Variants in CRPPA observed in about 807,000 individuals in gnomAD.
CRPPA encodes D-ribitol-5-phosphate cytidylyltransferase.
In CRPPA, 43 loss-of-function variants were observed where a neutral mutation model predicts 52.0. That is an observed-to-expected ratio of 0.83 (90% CI 0.65 to 1.07). The LOEUF (loss-of-function observed/expected upper bound fraction) is 1.07, where lower values mean the gene tolerates loss of function less well. CRPPA is among the 50% of genes least tolerant of loss of function. CRPPA has a pLI of 0.00. For missense variants in CRPPA, 629 were observed against 551.7 expected (o/e 1.14, Z -1.40); for synonymous variants, 250 against 203.5 (o/e 1.23, Z -1.94).
intron 3 of CRPPA, among the ~76,000 whole-genome samples, chr7:16,374,735 C>T (rs1351681006): frequency 6.6e-6 from 1 of 152,076 alleles, no homozygotes; most frequent in Non-Finnish European, 1.5e-5. Flanking sequence ...GCAGTAGGTC[C>T]CATCCACTCT....
chr7:16,412,496 T>TAA (rs1328446895), intron 1 of CRPPA, among the ~76,000 whole-genome samples: 1 of 152,226 alleles, frequency 6.6e-6, no homozygotes, highest in Non-Finnish European at 1.5e-5. Flanking sequence ...AATAGGCTTA[T>TAA]AAAGCTATTT....
chr7:16,091,916 C>G, intron 9 of CRPPA, 117 bp from the exon 10 acceptor site: 1 of 540,768 alleles, frequency 1.8e-6, no homozygotes, highest in South Asian at 3.2e-5. Flanking sequence ...TTTAGAAACT[C>G]AGACTCTAGC....
Position 16,133,274 on chromosome 7 carries a change from A to G in CRPPA, c.1252-41475T>C, listed in dbSNP as rs889432371. Among the ~76,000 whole-genome samples the G allele has an allele frequency of 2.4e-4, 29 of 121,600 alleles. 7 individuals are homozygous for G. Among genetic ancestry groups the G allele is most frequent in the Non-Finnish European group, 4.8e-4 (26 of 53,648 alleles). The allele number at this position is 121,600 out of a possible 152,430, so 79.8% of individuals were successfully genotyped here. On this transcript the variant is annotated intron_variant, in intron 9 of 9. Transcript: ENST00000407010. ...GGAGGTTGCAGTGAGCTGAAATCAC[A>G]CCACTGCACTCAACCCTGGGTGACA...
intron 5 of CRPPA, among the ~76,000 whole-genome samples, chr7:16,286,076 TATATAATATTTAAAAAAAAAA>T (rs1784436619): frequency 1.1e-4 from 2 of 18,244 alleles, no homozygotes; most frequent in Non-Finnish European, 9.3e-5. Flanking sequence ...TATATATATA[TATATAATATTTAAAAAAAAAA>T]ATATATATAT....
At chr7:16,245,503 T>C (rs1783245113) in intron 8 of CRPPA, among the ~76,000 whole-genome samples, 1 of 152,210 alleles carries the variant, frequency 6.6e-6, no homozygotes, top group Non-Finnish European at 1.5e-5. Context: ...CAGACACTAT[T>C]CACTTGCCTC....
At chr7:16,304,444 C>T (rs1202142738) in intron 4 of CRPPA, among the ~76,000 whole-genome samples, 1 of 152,042 alleles carries the variant, frequency 6.6e-6, no homozygotes, top group Non-Finnish European at 1.5e-5. Flanking sequence ...AAATACAGAC[C>T]AGCCTGGCCA....
Position 16,376,182 on chromosome 7 carries a change from G to A in CRPPA, c.594C>T (p.Cys198=), listed in dbSNP as rs756333932. ...STVVSPSADG[C]LDYSLERARH... ...TGGCACGTTCTAGCGAGTAGTCTAA[G>A]CAACCATCAGCAGATGGACTGACGA... Residue 198 remains cysteine (C), a synonymous_variant, in exon 3 of 10, where the codon TGC becomes TGT. Transcript: ENST00000407010. The A allele has an allele frequency of 5.6e-6, 9 of 1,613,346 alleles. No homozygotes were observed. The Admixed American group carries it at 8.3e-5, about 15-fold the overall frequency.
At position 16,420,221 on chromosome 7, in the gene CRPPA, C is replaced by T. The variant is rs1788293351; in HGVS notation, c.257+845G>A. 1.3e-5 allele frequency among the ~76,000 whole-genome samples: 2 copies of T among 152,154 alleles called. 1 individual carries two copies. Among genetic ancestry groups the T allele is most frequent in the South Asian group, 4.1e-4 (2 of 4,828 alleles). On this transcript the variant is annotated intron_variant, in intron 1 of 9. Transcript: ENST00000407010. ...GCAAACGGTTCGCATCAATTCAAGGCTTCACAAACTACCACAGCTCCCCAC... is the reference window on the plus strand; with the variant it reads ...GCAAACGGTTCGCATCAATTCAAGGTTTCACAAACTACCACAGCTCCCCAC...
At chr7:16,402,147 C>T (rs1036497606) in intron 2 of CRPPA, among the ~76,000 whole-genome samples, 1 of 152,182 alleles carries the variant, frequency 6.6e-6, no homozygotes, top group Admixed American at 6.5e-5. Context: ...GGAGGAGAGA[C>T]ACTCACAAGT....
At chr7:16,102,740 C>G (rs1782073161) in intron 9 of CRPPA, among the ~76,000 whole-genome samples, 1 of 152,188 alleles carries the variant, frequency 6.6e-6, no homozygotes, top group African/African-American at 2.4e-5. Flanking sequence ...AAATGCAAAT[C>G]AAAACCACAA....
intron 9 of CRPPA, among the ~76,000 whole-genome samples, chr7:16,130,293 T>G (rs938064049): frequency 1.3e-4 from 20 of 152,002 alleles, no homozygotes; most frequent in African/African-American, 4.8e-4. Context: ...GAACAAAGAG[T>G]ATCTCTAAAT....
chr7:16,145,099 C>T (rs561876771), intron 9 of CRPPA, among the ~76,000 whole-genome samples: 4 of 152,274 alleles, frequency 2.6e-5, no homozygotes, highest in East Asian at 3.9e-4. Context: ...CAACCTCAGA[C>T]CTGACTGCTG....
At chr7:16,411,706 G>C (rs1788080627) in intron 1 of CRPPA, among the ~76,000 whole-genome samples, 1 of 152,034 alleles carries the variant, frequency 6.6e-6, no homozygotes, top group South Asian at 2.1e-4. Flanking sequence ...ACTGCTCTTA[G>C]ATTTATAGAA....
At chr7:16,231,799 A>C (rs1266677362) in intron 8 of CRPPA, among the ~76,000 whole-genome samples, 2 of 152,230 alleles carry the variant, frequency 1.3e-5, no homozygotes, top group Non-Finnish European at 2.9e-5. Context: ...TTTAAAAAGC[A>C]AACTATATAA....
chr7:16,245,199 GA>G (rs1196789942), intron 8 of CRPPA, among the ~76,000 whole-genome samples: 5 of 152,202 alleles, frequency 3.3e-5, no homozygotes, highest in Non-Finnish European at 7.3e-5. Flanking sequence ...GTCTGCATAT[GA>G]ATTTGCACAT....
At chr7:16,154,865 T>C (rs899805241) in intron 9 of CRPPA, among the ~76,000 whole-genome samples, 4 of 151,346 alleles carry the variant, frequency 2.6e-5, no homozygotes, top group Admixed American at 2.6e-4. Context: ...TGGAGCGCAG[T>C]GGCACAATCT....
chr7:16,312,980 T>C (rs1354633067), intron 3 of CRPPA, among the ~76,000 whole-genome samples: 1 of 151,968 alleles, frequency 6.6e-6, no homozygotes, highest in Non-Finnish European at 1.5e-5. Context: ...GGTGATATTT[T>C]GATAAGGACC....
chr7:16,235,239 C>T (rs1213881656), intron 8 of CRPPA, among the ~76,000 whole-genome samples: 1 of 152,034 alleles, frequency 6.6e-6, no homozygotes, highest in Non-Finnish European at 1.5e-5. Flanking sequence ...AACATTTAAA[C>T]TGCATGCATT....
rs183880699 is a variant in CRPPA, at chr7:16,379,604, G to A, written c.535-3363C>T. On this transcript the variant is annotated intron_variant, in intron 2 of 9. Coordinates refer to ENST00000407010, the MANE Select transcript of CRPPA (RefSeq NM_001101426.4). ...GCAGTACGGCCATTTTCACAATATT[G>A]ATTCCTCCTACCCATGAGCATGGAA... 3.8e-3 allele frequency among the ~76,000 whole-genome samples: 573 copies of A among 152,272 alleles called. 5 individuals are homozygous for A. The highest frequency in any genetic ancestry group is 5.5e-3 in the Admixed American group (84 of 15,296).
Sources: allele counts gnomAD v4.1 joint callset (sites outside exome capture counted in the v4.1 genomes callset), GRCh38; gene constraint gnomAD v4.1.1; transcripts MANE v1.5; gene names NCBI Gene and HGNC (gene_info 2026-07-23, HGNC 2026-07-21).